Variants in XPO7 observed in about 807,000 individuals in gnomAD.
XPO7 encodes exportin 7.
A neutral mutation model predicts 144.3 loss-of-function variants in XPO7; 21 were observed. The ratio of observed to expected loss-of-function variants is 0.15; its 90% confidence interval spans 0.10 to 0.21. The LOEUF (loss-of-function observed/expected upper bound fraction) is 0.21. Among genes scored for constraint, XPO7 ranks in the 10% least tolerant of loss-of-function variants. The probability of loss-of-function intolerance (pLI) is 1.00; values close to 1 mark genes in which losing one functional copy is unlikely to be tolerated. For synonymous variants in XPO7, 580 were observed against 499.6 expected (o/e 1.16, Z -2.15); for missense variants, 808 against 1,325.8 (o/e 0.61, Z 6.06).
intron 1 of XPO7, among the ~76,000 whole-genome samples, chr8:21,930,430 T>C (rs896843780): frequency 2.0e-5 from 3 of 152,126 alleles, no homozygotes; most frequent in African/African-American, 7.2e-5. Context: ...ATAGGACACA[T>C]CTATGCATAG....
At chr8:21,957,650 G>C (rs1020149417) in intron 1 of XPO7, among the ~76,000 whole-genome samples, 11 of 152,124 alleles carry the variant, frequency 7.2e-5, no homozygotes, top group Non-Finnish European at 2.9e-5. Context: ...TGATCAATCT[G>C]CCATTTTAAT....
intron 1 of XPO7, among the ~76,000 whole-genome samples, chr8:21,922,625 TGAA>T (rs1211401058): frequency 3.3e-5 from 5 of 152,130 alleles, no homozygotes; most frequent in Non-Finnish European, 7.3e-5. Context: ...ACAGTGGTGA[TGAA>T]GAAGATTAAG....
chr8:21,940,030 A>G (rs1810941851), intron 1 of XPO7, among the ~76,000 whole-genome samples: 1 of 152,214 alleles, frequency 6.6e-6, no homozygotes, highest in African/African-American at 2.4e-5. Context: ...TACCTTTTCA[A>G]ATGTGAAGTT....
intron 27 of XPO7, among the ~76,000 whole-genome samples, 164 bp from the exon 28 acceptor site, chr8:22,004,831 G>A (rs1319896899): frequency 6.7e-6 from 1 of 149,586 alleles, no homozygotes. Context: ...AGATCTCTAA[G>A]CCAACTTTTC....
Position 21,986,300 on chromosome 8 carries a change from T to G in XPO7, c.1577+609T>G, listed in dbSNP as rs1442962479. Among the ~76,000 whole-genome samples, 3 of 152,222 alleles carry G rather than the reference T, an allele frequency of 2.0e-5. No individual in the cohort carries two copies. The East Asian group carries it at 5.8e-4, about 29-fold the overall frequency. On this transcript the variant is annotated intron_variant, in intron 13 of 27. Transcript: ENST00000252512. Reference sequence around the variant, plus strand: ...TCCCAAGTAGCTATGATTACAGGCATGCGTCACCACATCTGGCTAATTTTT... The same window carrying G: ...TCCCAAGTAGCTATGATTACAGGCAGGCGTCACCACATCTGGCTAATTTTT...
intron 1 of XPO7, among the ~76,000 whole-genome samples, chr8:21,946,586 C>CA (rs11462969): frequency 0.59 from 71,632 of 121,224 alleles, 20,052 homozygotes; most frequent in African/African-American, 0.68. Context: ...AAAAAAAAAA[C>CA]AAAAAAAAAA....
intron 1 of XPO7, among the ~76,000 whole-genome samples, chr8:21,937,242 A>C (rs928441953): frequency 5.3e-5 from 8 of 152,226 alleles, no homozygotes; most frequent in African/African-American, 1.9e-4. Context: ...TAAATGAATC[A>C]GTCTTATTTG....
In XPO7 at chr8:22,005,091, C is replaced by G. The variant is rs1274985142; in HGVS notation, c.*3C>G. On this transcript the variant is annotated 3_prime_UTR_variant, in exon 28 of 28. Coordinates refer to ENST00000252512, the MANE Select transcript of XPO7 (RefSeq NM_015024.5). ...ATAGCAATGACATGATGAGCTGACA[C>G]CTCCTTGGACTCTACCTGTACAGAG... 6.2e-7 allele frequency: 1 copy of G among 1,611,910 alleles called. No homozygotes were observed. Among genetic ancestry groups the G allele is most frequent in the African/African-American group, 1.3e-5 (1 of 74,818 alleles).
At chr8:21,919,910 G>A (rs983438992) in intron 1 of XPO7, 122 bp downstream of exon 1, 9 of 226,266 alleles carry the variant, frequency 4.0e-5, no homozygotes, top group African/African-American at 7.0e-5. Flanking sequence ...GCCGCCACTC[G>A]GGGCTCTGGA....
chr8:21,986,018 A>C (rs1812567491), intron 13 of XPO7, among the ~76,000 whole-genome samples: 1 of 152,100 alleles, frequency 6.6e-6, no homozygotes, highest in Non-Finnish European at 1.5e-5. Context: ...CTAAAAGGAA[A>C]CTGCAGTTCT....
chr8:21,942,802 G>T (rs1434891628), intron 1 of XPO7, among the ~76,000 whole-genome samples: 1 of 152,200 alleles, frequency 6.6e-6, no homozygotes, highest in African/African-American at 2.4e-5. Flanking sequence ...GGAAGACAAT[G>T]TCACAAGATG....
intron 1 of XPO7, among the ~76,000 whole-genome samples, chr8:21,945,221 G>C (rs995283942): frequency 6.6e-6 from 1 of 152,176 alleles, no homozygotes; most frequent in Non-Finnish European, 1.5e-5. Context: ...ACGGGGTGGC[G>C]GCCGGGCGGG....
chr8:21,932,758 G>T (rs979138652), intron 1 of XPO7, among the ~76,000 whole-genome samples: 1 of 152,154 alleles, frequency 6.6e-6, no homozygotes, highest in Non-Finnish European at 1.5e-5. Flanking sequence ...GGCCAGGGGG[G>T]ATGCTAAATG....
At chr8:21,997,043 G>A (rs1052832677) in intron 21 of XPO7, among the ~76,000 whole-genome samples, 3 of 152,140 alleles carry the variant, frequency 2.0e-5, no homozygotes, top group Non-Finnish European at 4.4e-5. Flanking sequence ...CCCGACTTGA[G>A]GTGATCCGCC....
intron 3 of XPO7, 168 bp downstream of exon 3, chr8:21,969,744 G>A (rs1811991975): frequency 3.0e-6 from 2 of 657,434 alleles, no homozygotes; most frequent in East Asian, 5.6e-5. Context: ...AAAGTGAAGG[G>A]CCCGACGCAA....
rs766782469 is a variant in XPO7, at chr8:21,984,758, T to C, written c.1390T>C (p.Leu464=). ...YEKTCALLVQ[L]FDQSAQSYQE... Reference sequence around the variant, plus strand: ...GAAGACGTGTGCACTCCTCGTGCAGTTGTTTGACCAGTCGGCCCAGTCGTA... The same window carrying C: ...GAAGACGTGTGCACTCCTCGTGCAGCTGTTTGACCAGTCGGCCCAGTCGTA... The change falls in exon 12 of 28, where the codon TTG becomes CTG. Residue 464 remains leucine, a synonymous_variant. Transcript: ENST00000252512. The C allele has an allele frequency of 1.4e-5, 22 of 1,613,824 alleles. No individual in the cohort carries two copies. The highest frequency in any genetic ancestry group is 1.9e-5 in the Non-Finnish European group (22 of 1,179,888).
At chr8:21,950,442 TC>T (rs1462485443) in intron 1 of XPO7, among the ~76,000 whole-genome samples, 1 of 152,224 alleles carries the variant, frequency 6.6e-6, no homozygotes, top group Non-Finnish European at 1.5e-5. Context: ...AGAATTATTC[TC>T]CCCATCAAAT....
intron 27 of XPO7, among the ~76,000 whole-genome samples, chr8:22,004,445 T>C (rs1283721627): frequency 1.3e-5 from 2 of 152,244 alleles, no homozygotes; most frequent in Non-Finnish European, 2.9e-5. Flanking sequence ...ACCTAGGGAC[T>C]TTCCAGTAAC....
rs200590059 is a variant in XPO7, at chr8:21,984,751, C to T, written c.1383C>T (p.Leu461=). 6.5e-4 allele frequency: 1,042 copies of T among 1,613,992 alleles called. 15 individuals carry two copies. The South Asian group carries it at 0.011, about 17-fold the overall frequency. Residue 461 remains leucine (L), a synonymous_variant, in exon 12 of 28, where the codon CTC becomes CTT. Coordinates refer to ENST00000252512, the MANE Select transcript of XPO7 (RefSeq NM_015024.5). ...RCEYEKTCAL[L]VQLFDQSAQS... ...AATATGAGAAGACGTGTGCACTCCT[C>T]GTGCAGTTGTTTGACCAGTCGGCCC... is the stretch of plus-strand genomic sequence containing the variant.
Sources: gnomAD v4.1 joint callset for allele counts (sites outside exome capture counted in the v4.1 genomes callset) on GRCh38, gnomAD v4.1.1 for gene constraint, MANE v1.5 for transcripts, NCBI Gene and HGNC (gene_info 2026-07-23, HGNC 2026-07-21) for gene names.